Variants in PDE11A observed in about 807,000 individuals in gnomAD.
The protein encoded by PDE11A is dual 3',5'-cyclic-AMP and -GMP phosphodiesterase 11A.
PDE11A carries 100 observed loss-of-function variants against 100.5 expected under a neutral mutation model. The observed-to-expected ratio is 1.00, with a 90% CI of 0.85 to 1.18. The LOEUF is 1.18. Ranked by LOEUF, PDE11A falls within the 50% of genes most tolerant of loss-of-function variation. The pLI is 0.00. For synonymous variants in PDE11A, 381 were observed against 420.8 expected (o/e 0.91, Z 1.16); for missense variants, 1,141 against 1,152.6 (o/e 0.99, Z 0.15).
Position 177,626,360 on chromosome 2 carries a change from G to T in PDE11A, c.*3047C>A, listed in dbSNP as rs551168563. On this transcript the variant is annotated 3_prime_UTR_variant, in exon 20 of 20. Transcript: ENST00000286063. ...TGTCTGGGCTATTTATTTATTTATT[G>T]TTGGGGAGGATAACAGATGTGGGCT... 9 of 152,658 alleles carry T rather than the reference G, an allele frequency of 5.9e-5. No individual in the cohort carries two copies. Among genetic ancestry groups the T allele is most frequent in the African/African-American group, 1.9e-4 (8 of 41,550 alleles). 9.5% of individuals were successfully genotyped at this position (152,658 alleles called of 1,614,324 possible).
intron 9 of PDE11A, among the ~76,000 whole-genome samples, chr2:177,778,387 A>C (rs1393551806): frequency 6.6e-6 from 1 of 152,170 alleles, no homozygotes; most frequent in Non-Finnish European, 1.5e-5. Context: ...ATACCAGCAG[A>C]GAGAAACACA....
At chr2:178,056,141 C>T (rs1260614926) in intron 1 of PDE11A, among the ~76,000 whole-genome samples, 1 of 152,106 alleles carries the variant, frequency 6.6e-6, no homozygotes, top group African/African-American at 2.4e-5. Flanking sequence ...TTACAAATCA[C>T]TAAGCAAGTT....
intron 1 of PDE11A, among the ~76,000 whole-genome samples, chr2:178,043,943 C>G (rs776793202): frequency 6.6e-6 from 1 of 152,098 alleles, no homozygotes; most frequent in Non-Finnish European, 1.5e-5. Flanking sequence ...GTCCTCAAGG[C>G]CTCTGTCCAT....
At chr2:177,880,723 C>A (rs1172561330) in intron 4 of PDE11A, among the ~76,000 whole-genome samples, 1 of 152,034 alleles carries the variant, frequency 6.6e-6, no homozygotes, top group Non-Finnish European at 1.5e-5. Flanking sequence ...TTCTTAGGTT[C>A]CTGTGTCTTT....
chr2:178,018,317 T>C, intron 1 of PDE11A: 2 of 408,308 alleles, frequency 4.9e-6, no homozygotes, highest in Non-Finnish European at 9.6e-6. Context: ...GAACAAGTTG[T>C]TTCAAACTAT....
intron 19 of PDE11A, among the ~76,000 whole-genome samples, chr2:177,637,229 G>C (rs1207179442): frequency 2.6e-5 from 4 of 152,290 alleles, no homozygotes; most frequent in Non-Finnish European, 5.9e-5. Flanking sequence ...TAAGTGCCTT[G>C]TCCATGGTCA....
intron 1 of PDE11A, among the ~76,000 whole-genome samples, chr2:178,066,532 C>G (rs1227286274): frequency 2.0e-5 from 3 of 152,146 alleles, no homozygotes; most frequent in Admixed American, 2.0e-4. Context: ...ACCTGATCCC[C>G]GCTCCATGGT....
intron 1 of PDE11A, among the ~76,000 whole-genome samples, chr2:178,016,766 T>C (rs1326621235): frequency 1.3e-5 from 2 of 152,004 alleles, no homozygotes; most frequent in Non-Finnish European, 2.9e-5. Flanking sequence ...ACATATAAGG[T>C]CCTGAAGCAG....
Position 178,072,747 on chromosome 2 carries a change from C to G in PDE11A, c.-310G>C. ...CTATCGCTGCTCCTGTTCTGGCTGCCGCCGCTGCTGCTGGAACTGCTGCTG... is the reference window on the plus strand; with the variant it reads ...CTATCGCTGCTCCTGTTCTGGCTGCGGCCGCTGCTGCTGGAACTGCTGCTG... On this transcript the variant is annotated 5_prime_UTR_variant, in exon 1 of 20. Transcript: ENST00000286063. The G allele has an allele frequency of 7.6e-7, 1 of 1,318,492 alleles. No homozygotes were observed. The highest frequency in any genetic ancestry group is 1.5e-5 in the South Asian group (1 of 65,668). The allele number at this position is 1,318,492 out of a possible 1,614,324, so 81.7% of individuals were successfully genotyped here.
intron 2 of PDE11A, among the ~76,000 whole-genome samples, chr2:178,005,126 GTT>G (rs1273999759): frequency 2.8e-5 from 4 of 144,134 alleles, no homozygotes; most frequent in African/African-American, 1.1e-4. Context: ...TACTCCAGGT[GTT>G]CACAGTTTAC....
At chr2:178,055,147 C>A (rs1192714199) in intron 1 of PDE11A, among the ~76,000 whole-genome samples, 1 of 152,088 alleles carries the variant, frequency 6.6e-6, no homozygotes, top group Non-Finnish European at 1.5e-5. Flanking sequence ...CACATATACA[C>A]CATGGAATAC....
At chr2:177,930,876 A>G (rs1042508368) in intron 2 of PDE11A, among the ~76,000 whole-genome samples, 3 of 152,206 alleles carry the variant, frequency 2.0e-5, no homozygotes, top group African/African-American at 7.2e-5. Context: ...GGATGGTAGA[A>G]TGCTTAGCCT....
chr2:177,792,037 G>A (rs1336054480), intron 9 of PDE11A, among the ~76,000 whole-genome samples: 2 of 152,170 alleles, frequency 1.3e-5, no homozygotes, highest in Admixed American at 1.3e-4. Flanking sequence ...AATTCTTAGT[G>A]AGATTAAATA....
chr2:178,064,867 A>G (rs1468435070), intron 1 of PDE11A, among the ~76,000 whole-genome samples: 3 of 152,154 alleles, frequency 2.0e-5, no homozygotes, highest in Non-Finnish European at 4.4e-5. Context: ...CAGGAAAAAA[A>G]GATTTTTTCT....
chr2:178,077,086 G>T (rs2087216436), upstream of PDE11A, among the ~76,000 whole-genome samples: 1 of 152,080 alleles, frequency 6.6e-6, no homozygotes, highest in Non-Finnish European at 1.5e-5. Context: ...CTATATAATA[G>T]TTGTTAATGC....
At chr2:177,880,120 G>A (rs1042809015) in intron 4 of PDE11A, among the ~76,000 whole-genome samples, 2 of 152,194 alleles carry the variant, frequency 1.3e-5, no homozygotes, top group Non-Finnish European at 2.9e-5. Context: ...CTTGTATGTA[G>A]GAAAGAACTG....
chr2:177,670,121 A>G (rs2080654429), intron 17 of PDE11A, among the ~76,000 whole-genome samples: 1 of 152,210 alleles, frequency 6.6e-6, no homozygotes, highest in South Asian at 2.1e-4. Flanking sequence ...GCAATCAATC[A>G]AGAGGCAGGA....
rs116284234 is a variant in PDE11A, at chr2:177,855,095, G to A, written c.1368-14712C>T. Among the ~76,000 whole-genome samples, 1,099 of 152,014 alleles carry A rather than the reference G, an allele frequency of 7.2e-3. 12 individuals are homozygous for A. Among genetic ancestry groups the A allele is most frequent in the African/African-American group, 0.025 (1,023 of 41,464 alleles). ...ACATTGAAATATGTAGCATATTTTT[G>A]TTTATACAAAACACCTATTACATCC... On this transcript the variant is annotated intron_variant, in intron 5 of 19. Coordinates refer to ENST00000286063, the MANE Select transcript of PDE11A (RefSeq NM_016953.4).
At chr2:177,680,531 A>G (rs896770070) in intron 16 of PDE11A, among the ~76,000 whole-genome samples, 1 of 152,106 alleles carries the variant, frequency 6.6e-6, no homozygotes, top group Non-Finnish European at 1.5e-5. Flanking sequence ...TCTCCACCCA[A>G]CTTGCACCCC....
Sources: gnomAD v4.1 joint callset for allele counts (sites outside exome capture counted in the v4.1 genomes callset) on GRCh38, gnomAD v4.1.1 for gene constraint, MANE v1.5 for transcripts, NCBI Gene and HGNC (gene_info 2026-07-23, HGNC 2026-07-21) for gene names.